RDX: variants seen among roughly 807,000 people sequenced by gnomAD.
The protein encoded by RDX is radixin.
RDX carries 32 observed loss-of-function variants against 83.7 expected under a neutral mutation model. The observed-to-expected ratio is 0.38, with a 90% confidence interval of 0.29 to 0.51. RDX has a LOEUF of 0.51. Ranked by LOEUF, RDX falls within the 20% of genes least tolerant of loss-of-function variation. The pLI is 0.87. For synonymous variants in RDX, 229 were observed against 222.7 expected, an observed-to-expected ratio of 1.03 and a Z score of -0.25; for missense variants, 600 against 689.9, an observed-to-expected ratio of 0.87 and a Z score of 1.46.
At chr11:110,285,305 A>T (rs1414101973) in intron 1 of RDX, among the ~76,000 whole-genome samples, 1 of 152,172 alleles carries the variant, frequency 6.6e-6, no homozygotes, top group East Asian at 1.9e-4. Context: ...GAATTGCACG[A>T]ACCTGGGAGG....
At chr11:110,277,275 A>G (rs556781553) in intron 2 of RDX, among the ~76,000 whole-genome samples, 77 of 152,118 alleles carry the variant, frequency 5.1e-4, no homozygotes, top group African/African-American at 1.8e-3. Flanking sequence ...GCTGCTCCAC[A>G]TCCATATCTA....
intron 3 of RDX, among the ~76,000 whole-genome samples, chr11:110,266,206 G>A (rs907994578): frequency 5.3e-5 from 8 of 151,664 alleles, no homozygotes; most frequent in Admixed American, 1.3e-4. Context: ...GGTGGCATGC[G>A]CCTGTAGTCC....
chr11:110,188,998 CA>C (rs1863045276), intron 15 of RDX, among the ~76,000 whole-genome samples: 2 of 151,908 alleles, frequency 1.3e-5, no homozygotes, highest in South Asian at 4.2e-4. Context: ...CCTCACATAT[CA>C]ACGTTAACAT....
rs140180881 is a variant in RDX, at chr11:110,233,320, T to C, written c.1504A>G (p.Asn502Asp). 120 of 1,614,068 alleles carry C rather than the reference T, an allele frequency of 7.4e-5. No homozygotes were observed. The highest frequency in any genetic ancestry group is 1.6e-4 in the Middle Eastern group (1 of 6,078). Reference sequence around the variant, plus strand: ...CTTCTATGGTTCATTACCCCTTCATTTGATAATTCAGCACTAGCTTCAGCA... The same window carrying C: ...CTTCTATGGTTCATTACCCCTTCATCTGATAATTCAGCACTAGCTTCAGCA... ...NNAEASAELS[N>D]EGVMNHRSEE... The change falls in exon 13 of 14, where the codon AAT becomes GAT. Residue 502 changes from asparagine (N) to aspartate (D), a missense_variant. Physicochemically the swap from Asn to Asp is conservative, Grantham distance 23 (BLOSUM62 1). Transcript: ENST00000645495.
At position 110,272,831 on chromosome 11, in the gene RDX, A is replaced by T. The variant is rs1015192286; in HGVS notation, c.13-212T>A. The T allele has an allele frequency of 1.3e-5, 7 of 554,968 alleles. No homozygotes were observed. The African/African-American group carries it at 1.3e-4, about 10-fold the overall frequency. The allele number at this position is 554,968 out of a possible 1,614,324, so 34.4% of individuals were successfully genotyped here. ...GGGCACTAAGCTATGGGCTTTCCAT[A>T]CTCTCATTTAGCCCTTGCTATAATA... On this transcript the variant is annotated intron_variant, in intron 2 of 13. Coordinates refer to ENST00000645495, the MANE Select transcript of RDX (RefSeq NM_002906.4).
intron 3 of RDX, among the ~76,000 whole-genome samples, chr11:110,265,106 TTTG>T (rs1859977034): frequency 2.3e-5 from 2 of 86,018 alleles, no homozygotes; most frequent in East Asian, 3.8e-4. Flanking sequence ...AGTTTTTTTT[TTTG>T]TTTTTTTTTT....
chr11:110,212,322 C>T (rs1288063807), intron 14 of RDX, among the ~76,000 whole-genome samples: 3 of 147,708 alleles, frequency 2.0e-5, no homozygotes, highest in African/African-American at 7.5e-5. Context: ...ATAACAGGAG[C>T]TGAAATTGTG....
chr11:110,194,042 C>A (rs770135233), intron 15 of RDX, among the ~76,000 whole-genome samples: 1 of 152,238 alleles, frequency 6.6e-6, no homozygotes, highest in Non-Finnish European at 1.5e-5. Flanking sequence ...CAGCGGCCCA[C>A]GCTGTGCCCT....
At chr11:110,179,903 C>CTTT (rs528601645) in intron 15 of RDX, 5,416 of 362,516 alleles carry the variant, frequency 0.015, 17 homozygotes, top group East Asian at 0.028. Context: ...TTTCTTTTTT[C>CTTT]TTTTTTTTTT....
chr11:110,207,620 T>A (rs533195611), intron 14 of RDX, among the ~76,000 whole-genome samples: 1 of 143,498 alleles, frequency 7.0e-6, no homozygotes, highest in Non-Finnish European at 1.5e-5. Flanking sequence ...GTTTTTTACC[T>A]TTTTTTTTTA....
intron 10 of RDX, 108 bp downstream of exon 10, chr11:110,247,595 C>A: frequency 8.8e-7 from 1 of 1,133,242 alleles, no homozygotes. Context: ...ATTAAATATA[C>A]AATTGTCCTA....
chr11:110,208,012 C>T (rs1477474292), intron 14 of RDX, among the ~76,000 whole-genome samples: 11 of 147,918 alleles, frequency 7.4e-5, no homozygotes, highest in South Asian at 2.1e-4. Flanking sequence ...TTAATAGAGA[C>T]GGGGCACCAT....
At chr11:110,182,548 C>T (rs1357573149) in intron 15 of RDX, among the ~76,000 whole-genome samples, 1 of 152,164 alleles carries the variant, frequency 6.6e-6, no homozygotes, top group Non-Finnish European at 1.5e-5. Flanking sequence ...TTGCAGTGAG[C>T]TGAGATCTTG....
At chr11:110,255,426 C>A (rs755342177) in intron 7 of RDX, 41 bp from the exon 8 acceptor site, 10 of 1,060,780 alleles carry the variant, frequency 9.4e-6, no homozygotes, top group Non-Finnish European at 1.5e-5. Flanking sequence ...AGGCAGGAAA[C>A]AATGAATAAA....
chr11:110,188,372 G>A (rs193254397), intron 15 of RDX, among the ~76,000 whole-genome samples: 352 of 151,744 alleles, frequency 2.3e-3, no homozygotes, highest in African/African-American at 7.7e-3. Context: ...CCTGGATGGA[G>A]CTGGAGACCA....
chr11:110,180,632 T>C (rs1172076921), intron 15 of RDX, among the ~76,000 whole-genome samples: 2 of 150,752 alleles, frequency 1.3e-5, no homozygotes, highest in Non-Finnish European at 2.9e-5. Context: ...CCTCAGTCTG[T>C]GTGCATGCTC....
chr11:110,253,781 T>C (rs1859429414), intron 9 of RDX, 165 bp downstream of exon 9: 5 of 659,136 alleles, frequency 7.6e-6, no homozygotes, highest in South Asian at 1.9e-5. Context: ...TTGAAAATTA[T>C]ACATACTCGT....
chr11:110,180,236 C>T (rs1354313435), intron 15 of RDX, among the ~76,000 whole-genome samples: 1 of 152,110 alleles, frequency 6.6e-6, no homozygotes, highest in East Asian at 1.9e-4. Context: ...TATTGAGTTG[C>T]AAAAGTGAAA....
intron 1 of RDX, among the ~76,000 whole-genome samples, chr11:110,285,330 A>G (rs900970513): frequency 1.3e-5 from 2 of 152,162 alleles, no homozygotes; most frequent in African/African-American, 2.4e-5. Flanking sequence ...GGCTGCAGTG[A>G]GCCAAGATCG....
Sources: gnomAD v4.1 joint callset for allele counts (sites outside exome capture counted in the v4.1 genomes callset) on GRCh38, gnomAD v4.1.1 for gene constraint, MANE v1.5 for transcripts, NCBI Gene and HGNC (gene_info 2026-07-23, HGNC 2026-07-21) for gene names.